The following FAM184B variants were observed in gnomAD, a reference collection of about 807,000 sequenced individuals.
FAM184B encodes the protein protein FAM184B.
In FAM184B, 111 loss-of-function variants were observed where a neutral mutation model predicts 135.9. The ratio of observed to expected loss-of-function variants is 0.82; its 90% CI spans 0.70 to 0.96. The LOEUF (loss-of-function observed/expected upper bound fraction) is 0.96, where lower values mean the gene tolerates loss of function less well. FAM184B is among the 40% of genes least tolerant of loss of function. The pLI, the probability that FAM184B is intolerant of heterozygous loss-of-function variation, is 0.00. For missense variants in FAM184B, 1,375 were observed against 1,323.9 expected, an observed-to-expected ratio of 1.04 and a Z score of -0.60; for synonymous variants, 552 against 524.8, an observed-to-expected ratio of 1.05 and a Z score of -0.71.
intron 1 of FAM184B, among the ~76,000 whole-genome samples, chr4:17,746,994 C>T (rs936160080): frequency 1.4e-5 from 2 of 147,810 alleles, no homozygotes; most frequent in Non-Finnish European, 3.0e-5. Context: ...GCTGAGATCA[C>T]GCCACTGCAC....
At chr4:17,748,146 C>G (rs1180388979) in intron 1 of FAM184B, among the ~76,000 whole-genome samples, 1 of 148,808 alleles carries the variant, frequency 6.7e-6, no homozygotes, top group Admixed American at 6.7e-5. Context: ...TCAGAAGTAG[C>G]AAATGCCATT....
chr4:17,690,741 G>A (rs975214680), intron 6 of FAM184B, among the ~76,000 whole-genome samples: 1 of 152,156 alleles, frequency 6.6e-6, no homozygotes, highest in African/African-American at 2.4e-5. Flanking sequence ...ATCTACAAGT[G>A]GGGAAAGAGT....
intron 7 of FAM184B, among the ~76,000 whole-genome samples, chr4:17,667,794 G>A (rs1441016359): frequency 6.6e-6 from 1 of 152,256 alleles, no homozygotes; most frequent in Non-Finnish European, 1.5e-5. Flanking sequence ...ATGCTTGCAT[G>A]CTTGGATGCT....
In FAM184B at chr4:17,642,106, C is replaced by A. The variant is rs754884449; in HGVS notation, c.2469G>T (p.Ala823=). The part of the protein sequence containing the change: ...QLQDAVRRLR[A]EVEQHQQEAQ... ...CCTCCTGCTGATGCTGCTCCACCTC[C>A]GCGCGCAGCCGCCGCACCGCGTCCT... Residue 823 remains alanine (A), a synonymous_variant, in exon 13 of 18, where the codon GCG becomes GCT. Transcript: ENST00000265018. 6 of 1,532,794 alleles carry A rather than the reference C, an allele frequency of 3.9e-6. No individual in the cohort carries two copies. The South Asian group carries it at 7.2e-5, about 18-fold the overall frequency. The allele number at this position is 1,532,794 out of a possible 1,614,324, so 94.9% of individuals were successfully genotyped here.
intron 1 of FAM184B, among the ~76,000 whole-genome samples, chr4:17,721,797 G>T (rs1290440639): frequency 6.6e-6 from 1 of 152,132 alleles, no homozygotes; most frequent in African/African-American, 2.4e-5. Context: ...GGGAGGTCCC[G>T]AGATATGCAT....
chr4:17,729,027 G>GA (rs1717707033), intron 1 of FAM184B, among the ~76,000 whole-genome samples: 1 of 152,176 alleles, frequency 6.6e-6, no homozygotes, highest in African/African-American at 2.4e-5. Context: ...ACGGCACCTG[G>GA]AAAATCGGGT....
At chr4:17,687,972 T>A (rs1716626570) in intron 7 of FAM184B, among the ~76,000 whole-genome samples, 1 of 152,156 alleles carries the variant, frequency 6.6e-6, no homozygotes, top group Non-Finnish European at 1.5e-5. Context: ...AACCAGTTTC[T>A]ACCCTCAAGC....
chr4:17,730,264 G>A (rs1323504125), intron 1 of FAM184B, among the ~76,000 whole-genome samples: 1 of 152,188 alleles, frequency 6.6e-6, no homozygotes, highest in Non-Finnish European at 1.5e-5. Flanking sequence ...ATGGGACTAT[G>A]TGAAAAGGCC....
chr4:17,688,679 CCT>C, intron 6 of FAM184B, 148 bp from the exon 7 acceptor site: 1 of 210,762 alleles, frequency 4.7e-6, no homozygotes, highest in Non-Finnish European at 8.9e-6. Context: ...TCTAGAAATG[CCT>C]TTTTTTTTTT....
intron 7 of FAM184B, among the ~76,000 whole-genome samples, chr4:17,673,804 C>CTGAG (rs1349910211): frequency 6.7e-6 from 1 of 149,768 alleles, no homozygotes; most frequent in Non-Finnish European, 1.5e-5. Context: ...AGACTACAAA[C>CTGAG]TGAGTGCAGT....
chr4:17,670,841 T>C (rs1716155304), intron 7 of FAM184B, among the ~76,000 whole-genome samples: 2 of 152,196 alleles, frequency 1.3e-5, no homozygotes, highest in Admixed American at 6.5e-5. Flanking sequence ...CGTAATTCCA[T>C]ATCACTGCAC....
At position 17,632,499 on chromosome 4, in the gene FAM184B, A is replaced by C. The variant is rs1228084237; in HGVS notation, c.*33T>G. ...GGATGATTTAAAATAAATGTTTTTC[A>C]AGTATCCTCTGTGATGTATCCCAAA... On this transcript the variant is annotated 3_prime_UTR_variant, in exon 18 of 18. Transcript: ENST00000265018. 2 of 1,456,568 alleles carry C rather than the reference A, an allele frequency of 1.4e-6. No homozygotes were observed. Among genetic ancestry groups the C allele is most frequent in the South Asian group, 2.5e-5 (2 of 79,540 alleles). 90.2% of individuals were successfully genotyped at this position (1,456,568 alleles called of 1,614,324 possible).
chr4:17,728,715 A>G (rs1243401242), intron 1 of FAM184B, among the ~76,000 whole-genome samples: 1 of 151,908 alleles, frequency 6.6e-6, no homozygotes, highest in East Asian at 1.9e-4. Flanking sequence ...GTTAGTAGTA[A>G]CCTCCGGGTG....
At chr4:17,646,987 G>C (rs557540611) in intron 12 of FAM184B, among the ~76,000 whole-genome samples, 1 of 152,144 alleles carries the variant, frequency 6.6e-6, no homozygotes, top group Non-Finnish European at 1.5e-5. Flanking sequence ...AGCCTGTCTG[G>C]TAAAATGTTC....
rs13127471 is a variant in FAM184B, at chr4:17,661,001, G to A, written c.1695-914C>T. Among the ~76,000 whole-genome samples, 1,213 of 152,186 alleles carry A rather than the reference G, an allele frequency of 8.0e-3. 7 individuals are homozygous for A. Among genetic ancestry groups the A allele is most frequent in the Non-Finnish European group, 0.013 (861 of 68,008 alleles). On this transcript the variant is annotated intron_variant, in intron 8 of 17. Transcript: ENST00000265018. ...GGAAGAGACAGACAATGGGGACCCCGAAAGGAAGGGTCTGATACTAGAAGC... is the reference window on the plus strand; with the variant it reads ...GGAAGAGACAGACAATGGGGACCCCAAAAGGAAGGGTCTGATACTAGAAGC...
At chr4:17,734,935 T>C (rs1414938964) in intron 1 of FAM184B, among the ~76,000 whole-genome samples, 4 of 152,158 alleles carry the variant, frequency 2.6e-5, no homozygotes, top group Admixed American at 1.3e-4. Context: ...CCAACTCAAA[T>C]GTCCAGCAAT....
At chr4:17,671,216 G>A (rs1246956608) in intron 7 of FAM184B, among the ~76,000 whole-genome samples, 3 of 152,046 alleles carry the variant, frequency 2.0e-5, no homozygotes. Context: ...TGATCATGAA[G>A]AGACCCCCTA....
chr4:17,677,407 C>T (rs1443702720), intron 7 of FAM184B, among the ~76,000 whole-genome samples: 2 of 152,104 alleles, frequency 1.3e-5, no homozygotes, highest in African/African-American at 4.8e-5. Context: ...AACACCTTTA[C>T]ATGCATAAAC....
rs141179320 is a variant in FAM184B, at chr4:17,661,229, G to A, written c.1695-1142C>T. On this transcript the variant is annotated intron_variant, in intron 8 of 17. Transcript: ENST00000265018. Reference sequence around the variant, plus strand: ...AGTCAATATCTATACTTAAAACAGCGTCTGGCACATAGTAAGAATTACTTA... The same window carrying A: ...AGTCAATATCTATACTTAAAACAGCATCTGGCACATAGTAAGAATTACTTA... 1.9e-3 allele frequency among the ~76,000 whole-genome samples: 291 copies of A among 152,268 alleles called. 1 individual carries two copies. Among genetic ancestry groups the A allele is most frequent in the African/African-American group, 6.9e-3 (287 of 41,544 alleles).
Sources: gnomAD v4.1 joint callset for allele counts (sites outside exome capture counted in the v4.1 genomes callset) on GRCh38, gnomAD v4.1.1 for gene constraint, MANE v1.5 for transcripts, NCBI Gene and HGNC (gene_info 2026-07-23, HGNC 2026-07-21) for gene names.